SLC25A26: variants seen among roughly 807,000 people sequenced by gnomAD.
SLC25A26 encodes solute carrier family 25 member 26, also known as mitochondrial S-adenosylmethionine carrier protein.
A neutral mutation model predicts 37.8 loss-of-function variants in SLC25A26; 36 were observed. That is an observed-to-expected ratio of 0.95 (90% CI 0.73 to 1.26). The LOEUF (loss-of-function observed/expected upper bound fraction) is 1.26, where lower values mean the gene tolerates loss of function less well. Ranked by LOEUF, SLC25A26 falls within the 50% of genes most tolerant of loss-of-function variation. SLC25A26 has a pLI of 0.00. For missense variants in SLC25A26, 390 were observed against 331.1 expected, an observed-to-expected ratio of 1.18 and a Z score of -1.38; for synonymous variants, 129 against 122.5, an observed-to-expected ratio of 1.05 and a Z score of -0.35.
chr3:66,234,424 A>G (rs538560027), intron 1 of SLC25A26, among the ~76,000 whole-genome samples: 2 of 152,242 alleles, frequency 1.3e-5, no homozygotes, highest in East Asian at 1.9e-4. Context: ...TTTTGGTACT[A>G]CTTGGTTTCT....
upstream of SLC25A26, among the ~76,000 whole-genome samples, chr3:66,218,218 TA>T (rs1183907012): frequency 6.6e-6 from 1 of 152,218 alleles, no homozygotes; most frequent in African/African-American, 2.4e-5. Flanking sequence ...AGATGTATCA[TA>T]ATATGTTTAT....
intron 5 of SLC25A26, among the ~76,000 whole-genome samples, chr3:66,280,184 G>T (rs11128157): frequency 0.052 from 7,895 of 152,184 alleles, 620 homozygotes; most frequent in African/African-American, 0.17. Flanking sequence ...GACACCAAAG[G>T]TCTGGTATAT....
At chr3:66,282,258 G>A (rs548711732) in intron 5 of SLC25A26, among the ~76,000 whole-genome samples, 15 of 152,102 alleles carry the variant, frequency 9.9e-5, no homozygotes, top group African/African-American at 2.2e-4. Flanking sequence ...TGATCCACCC[G>A]CCTCGGCCTC....
At chr3:66,159,674 T>G (rs2070330333) in intron 1 of SLC25A26, among the ~76,000 whole-genome samples, 1 of 152,242 alleles carries the variant, frequency 6.6e-6, no homozygotes, top group African/African-American at 2.4e-5. Context: ...TTAGTAAATC[T>G]TGGGAGATAC....
intron 1 of SLC25A26, among the ~76,000 whole-genome samples, chr3:66,150,544 T>TATATAA (rs1491507981): frequency 9.0e-6 from 1 of 111,188 alleles, no homozygotes; most frequent in African/African-American, 3.4e-5. Context: ...TATATATATA[T>TATATAA]AAAATATATA....
At chr3:66,168,816 A>G (rs2070458537) in intron 1 of SLC25A26, among the ~76,000 whole-genome samples, 1 of 152,188 alleles carries the variant, frequency 6.6e-6, no homozygotes. Flanking sequence ...TTTTCCTGAT[A>G]GGGTATTTGA....
intron 5 of SLC25A26, chr3:66,324,148 T>G (rs1330098113): frequency 6.6e-6 from 1 of 152,398 alleles, no homozygotes; most frequent in East Asian, 2.0e-4. Flanking sequence ...AAAAAGTGTG[T>G]CTTTAAGAAG....
At chr3:66,335,665 T>C (rs1369070050) in intron 5 of SLC25A26, among the ~76,000 whole-genome samples, 1 of 152,182 alleles carries the variant, frequency 6.6e-6, no homozygotes, top group Non-Finnish European at 1.5e-5. Flanking sequence ...GAGTGTCCTG[T>C]TAGGTGAGAT....
intron 1 of SLC25A26, among the ~76,000 whole-genome samples, chr3:66,215,907 T>C (rs938600885): frequency 6.6e-6 from 1 of 152,242 alleles, no homozygotes; most frequent in African/African-American, 2.4e-5. Context: ...CTCAAAATTC[T>C]GGAGGCTGGG....
intron 1 of SLC25A26, among the ~76,000 whole-genome samples, chr3:66,150,619 T>C (rs1444658481): frequency 2.1e-5 from 1 of 48,624 alleles, no homozygotes; most frequent in African/African-American, 9.3e-5. Context: ...TATATATATA[T>C]ATATATATAT....
At chr3:66,158,087 G>A (rs1424505766) in intron 1 of SLC25A26, among the ~76,000 whole-genome samples, 1 of 152,168 alleles carries the variant, frequency 6.6e-6, no homozygotes, top group Non-Finnish European at 1.5e-5. Context: ...GAAGGTGAGA[G>A]CAAACTATTA....
At chr3:66,165,484 C>T (rs1308823165) in intron 1 of SLC25A26, among the ~76,000 whole-genome samples, 1 of 152,010 alleles carries the variant, frequency 6.6e-6, no homozygotes, top group Non-Finnish European at 1.5e-5. Flanking sequence ...AGTTTCCAGG[C>T]TCTTAGAATG....
chr3:66,185,445 C>T (rs1345136133), intron 1 of SLC25A26, among the ~76,000 whole-genome samples: 1 of 152,122 alleles, frequency 6.6e-6, no homozygotes, highest in Non-Finnish European at 1.5e-5. Flanking sequence ...ACCCTACTTT[C>T]AATTCTTCTG....
At chr3:66,235,136 A>G (rs548482374) in intron 1 of SLC25A26, among the ~76,000 whole-genome samples, 1 of 152,318 alleles carries the variant, frequency 6.6e-6, no homozygotes, top group East Asian at 1.9e-4. Flanking sequence ...GAAACAACTA[A>G]TGATCCTTGT....
intron 1 of SLC25A26, among the ~76,000 whole-genome samples, chr3:66,200,888 C>G (rs1160950806): frequency 6.6e-6 from 1 of 152,154 alleles, no homozygotes; most frequent in African/African-American, 2.4e-5. Context: ...AAGCAACTGA[C>G]TAAGTGGGGG....
intron 5 of SLC25A26, among the ~76,000 whole-genome samples, chr3:66,275,144 C>G (rs948279776): frequency 5.3e-5 from 8 of 151,058 alleles, no homozygotes; most frequent in African/African-American, 1.2e-4. Flanking sequence ...AGTAAACTAT[C>G]GCAAGGACAA....
In SLC25A26 at chr3:66,198,243, G is replaced by T. The variant is rs1362515340; in HGVS notation, c.-353-22499G>T. ...TAATTGAGGTTCTGGGCACAGTCAG[G>T]GTCAAGTTGACCCCTCAAACTTAAC... On this transcript the variant is annotated intron_variant, in intron 1 of 10. Transcript: ENST00000676754. 8.6e-5 allele frequency among the ~76,000 whole-genome samples: 13 copies of T among 151,954 alleles called. No homozygotes were observed. In the East Asian group the frequency reaches 2.3e-3, roughly 27 times the overall value.
At chr3:66,319,813 G>T (rs375154476) in intron 5 of SLC25A26, among the ~76,000 whole-genome samples, 32 of 137,818 alleles carry the variant, frequency 2.3e-4, no homozygotes, top group African/African-American at 8.8e-4. Context: ...GAGTGCAATG[G>T]TGTGATCTCC....
Position 66,168,159 on chromosome 3 carries a change from A to AT in SLC25A26, c.-354+34175_-354+34176insT, listed in dbSNP as rs1482996166. The stretch of plus-strand genomic sequence containing the variant: ...CAAGAGCAAAACTCAGTCTCAAAAA[A>AT]AATATATATATATATATGTGTGTGT... On this transcript the variant is annotated intron_variant, in intron 1 of 10. Transcript: ENST00000676754. Among the ~76,000 whole-genome samples, 132 of 102,288 alleles carry AT rather than the reference A, an allele frequency of 1.3e-3. 4 individuals are homozygous for AT. In the South Asian group the frequency reaches 0.015, roughly 11 times the overall value. 67.1% of individuals were successfully genotyped at this position (102,288 alleles called of 152,430 possible).
Sources: gnomAD v4.1 joint callset for allele counts (sites outside exome capture counted in the v4.1 genomes callset) on GRCh38, gnomAD v4.1.1 for gene constraint, MANE v1.5 for transcripts, NCBI Gene and HGNC (gene_info 2026-07-23, HGNC 2026-07-21) for gene names.